The following CTNNA2 variants were observed in gnomAD, a reference collection of about 807,000 sequenced individuals.
CTNNA2 encodes the protein catenin alpha 2.
In CTNNA2, 42 loss-of-function variants were observed where a neutral mutation model predicts 101.0. The observed-to-expected ratio is 0.42, with a 90% CI of 0.32 to 0.54. The LOEUF (loss-of-function observed/expected upper bound fraction) is 0.54, where lower values mean the gene tolerates loss of function less well. Among genes scored for constraint, CTNNA2 ranks in the 20% least tolerant of loss-of-function variants. The probability of loss-of-function intolerance (pLI) is 0.14; values close to 1 mark genes in which losing one functional copy is unlikely to be tolerated. For missense variants in CTNNA2, 871 were observed against 1,223.1 expected (o/e 0.71, Z 4.29); for synonymous variants, 450 against 456.4 (o/e 0.99, Z 0.18).
At chr2:80,285,213 G>A (rs1056067020) in intron 7 of CTNNA2, among the ~76,000 whole-genome samples, 1 of 152,082 alleles carries the variant, frequency 6.6e-6, no homozygotes, top group Admixed American at 6.5e-5. Flanking sequence ...AAGAAGGTGG[G>A]GAATGGCAAT....
At position 80,248,943 on chromosome 2, in the gene CTNNA2, G is replaced by A. The variant is rs1282225412; in HGVS notation, c.1057-144268G>A. The stretch of plus-strand genomic sequence containing the variant: ...GGTGAAGGAATATTGTTTGATAAAA[G>A]TGGAAATCCATATCATTTACATGCT... On this transcript the variant is annotated intron_variant, in intron 7 of 18. Coordinates refer to ENST00000402739, the MANE Select transcript of CTNNA2 (RefSeq NM_001282597.3). Among the ~76,000 whole-genome samples, 4 of 152,180 alleles carry A rather than the reference G, an allele frequency of 2.6e-5. No individual in the cohort carries two copies. The East Asian group carries it at 7.7e-4, about 29-fold the overall frequency.
chr2:80,114,136 T>C (rs1390832346), intron 7 of CTNNA2, among the ~76,000 whole-genome samples: 1 of 152,184 alleles, frequency 6.6e-6, no homozygotes, highest in African/African-American at 2.4e-5. Context: ...ACATTGTTCT[T>C]CTATCCTCTG....
rs148047891 is a variant in CTNNA2 at position 80,436,843 on chromosome 2, C to T, written c.1290+17242C>T. Among the ~76,000 whole-genome samples the T allele has an allele frequency of 3.4e-3, 518 of 152,266 alleles. 1 individual carries two copies. Among genetic ancestry groups the T allele is most frequent in the African/African-American group, 0.012 (505 of 41,544 alleles). ...TCAGGACCTCCTCGCCTCCCAAAGA[C>T]CTCACCTCTTAATACCTCCACTTTG... On this transcript the variant is annotated intron_variant, in intron 9 of 18. Transcript: ENST00000402739.
intron 1 of CTNNA2, among the ~76,000 whole-genome samples, chr2:79,559,267 A>T (rs2566540): frequency 0.7 from 106,859 of 151,728 alleles, 37,808 homozygotes; most frequent in Middle Eastern, 0.76. Context: ...GTGCCATTGA[A>T]TTTGAAATCT....
intron 7 of CTNNA2, among the ~76,000 whole-genome samples, chr2:80,096,083 T>G (rs1700129350): frequency 6.6e-6 from 1 of 152,078 alleles, no homozygotes; most frequent in South Asian, 2.1e-4. Flanking sequence ...CTAGTTCTTT[T>G]AATTGTGATG....
chr2:80,230,542 A>G (rs971987812), intron 7 of CTNNA2, among the ~76,000 whole-genome samples: 4 of 151,960 alleles, frequency 2.6e-5, no homozygotes, highest in African/African-American at 9.7e-5. Flanking sequence ...TTCTCATCAA[A>G]CAAATGAGAA....
chr2:79,723,026 A>G (rs1686586938), intron 2 of CTNNA2, among the ~76,000 whole-genome samples: 1 of 152,248 alleles, frequency 6.6e-6, no homozygotes, highest in African/African-American at 2.4e-5. Context: ...GTGAAATAAG[A>G]AAGCGAAAGA....
chr2:79,774,795 A>G (rs184844728), intron 3 of CTNNA2, among the ~76,000 whole-genome samples: 136 of 152,234 alleles, frequency 8.9e-4, no homozygotes, highest in African/African-American at 3.0e-3. Context: ...GGAAATTTCT[A>G]TTTCTTATTC....
chr2:80,601,421 C>CTTTTTTTTTTTTTTTTTTTT (rs56921519), intron 15 of CTNNA2, among the ~76,000 whole-genome samples: 7 of 84,380 alleles, frequency 8.3e-5, no homozygotes, highest in African/African-American at 2.9e-4. Context: ...TTCTTTCTTT[C>CTTTTTTTTTTTTTTTTTTTT]TTTTTTTTTT....
chr2:79,958,555 A>G (rs1278538564), intron 7 of CTNNA2, among the ~76,000 whole-genome samples: 1 of 152,198 alleles, frequency 6.6e-6, no homozygotes, highest in Non-Finnish European at 1.5e-5. Flanking sequence ...AGGCCTCTAA[A>G]ACCTGGAAAA....
At chr2:80,388,383 T>C (rs1314066246) in intron 7 of CTNNA2, among the ~76,000 whole-genome samples, 2 of 152,214 alleles carry the variant, frequency 1.3e-5, no homozygotes, top group Non-Finnish European at 2.9e-5. Context: ...TATGTCTTTT[T>C]ATGCTCCCCA....
At chr2:80,514,456 A>G (rs1056787174) in intron 9 of CTNNA2, among the ~76,000 whole-genome samples, 1 of 152,074 alleles carries the variant, frequency 6.6e-6, no homozygotes, top group Non-Finnish European at 1.5e-5. Flanking sequence ...AATGAGTGCA[A>G]ACGGCCAGTG....
intron 3 of CTNNA2, among the ~76,000 whole-genome samples, chr2:79,856,088 A>G (rs1362550859): frequency 6.6e-6 from 1 of 152,228 alleles, no homozygotes; most frequent in African/African-American, 2.4e-5. Flanking sequence ...CCACTAGAGT[A>G]GTGAATTTTT....
intron 2 of CTNNA2, 59 bp from the exon 3 acceptor site, chr2:79,744,328 A>T: frequency 6.8e-7 from 1 of 1,466,762 alleles, no homozygotes; most frequent in Non-Finnish European, 9.2e-7. Context: ...TTATGAGATA[A>T]CATGACATTT....
At chr2:79,321,679 G>A (rs10201771) in intron 3 of CTNNA2, among the ~76,000 whole-genome samples, 38,679 of 151,980 alleles carry the variant, frequency 0.25, 5,163 homozygotes, top group Middle Eastern at 0.37. Context: ...GACAAGAAGC[G>A]CAAGGACAGG....
intron 1 of CTNNA2, among the ~76,000 whole-genome samples, chr2:79,541,905 G>T (rs531800124): frequency 6.6e-6 from 1 of 152,086 alleles, no homozygotes; most frequent in East Asian, 1.9e-4. Flanking sequence ...GATTACAGGC[G>T]TGAGCCACCG....
At chr2:80,124,973 T>G (rs1299733957) in intron 7 of CTNNA2, among the ~76,000 whole-genome samples, 2 of 152,118 alleles carry the variant, frequency 1.3e-5, no homozygotes, top group Non-Finnish European at 2.9e-5. Flanking sequence ...AGATTTAGCA[T>G]GGCCTATTCA....
intron 3 of CTNNA2, among the ~76,000 whole-genome samples, chr2:79,845,281 G>A (rs768078447): frequency 5.3e-5 from 8 of 150,550 alleles, no homozygotes; most frequent in Admixed American, 2.0e-4. Flanking sequence ...CCATCAAGCT[G>A]GAAGTAAGTA....
At chr2:80,300,154 C>T (rs1263259396) in intron 7 of CTNNA2, among the ~76,000 whole-genome samples, 3 of 152,036 alleles carry the variant, frequency 2.0e-5, no homozygotes, top group Admixed American at 1.3e-4. Flanking sequence ...AACAAAGCAC[C>T]TCTCTTCTAG....
Sources: allele counts gnomAD v4.1 joint callset (sites outside exome capture counted in the v4.1 genomes callset), GRCh38; gene constraint gnomAD v4.1.1; transcripts MANE v1.5; gene names NCBI Gene and HGNC (gene_info 2026-07-23, HGNC 2026-07-21).